Variants in EYA2 observed in about 807,000 individuals in gnomAD.
The protein encoded by EYA2 is EYA transcriptional coactivator and phosphatase 2, also known as protein phosphatase EYA2.
In EYA2, 31 loss-of-function variants were observed where a neutral mutation model predicts 69.2. That is an observed-to-expected ratio of 0.45 (90% CI 0.34 to 0.60). EYA2 has a LOEUF of 0.60. Ranked by LOEUF, EYA2 falls within the 20% of genes least tolerant of loss-of-function variation. The pLI is 0.02. For synonymous variants in EYA2, 257 were observed against 279.4 expected (o/e 0.92, Z 0.80); for missense variants, 622 against 701.2 (o/e 0.89, Z 1.28).
At chr20:46,973,237 C>A (rs917840142) in intron 1 of EYA2, among the ~76,000 whole-genome samples, 7 of 152,166 alleles carry the variant, frequency 4.6e-5, no homozygotes, top group African/African-American at 9.7e-5. Flanking sequence ...AATGCATTAA[C>A]AACACCGTGA....
chr20:47,156,227 G>A (rs1270912356), intron 10 of EYA2, among the ~76,000 whole-genome samples: 1 of 136,804 alleles, frequency 7.3e-6, no homozygotes, highest in African/African-American at 2.6e-5. Flanking sequence ...CCAGCTACTC[G>A]GGAGGCTAAG....
chr20:46,902,660 T>C (rs1984169850), intron 1 of EYA2, among the ~76,000 whole-genome samples: 1 of 152,246 alleles, frequency 6.6e-6, no homozygotes, highest in Admixed American at 6.5e-5. Context: ...TATTTATCGA[T>C]GGTTAGGTAC....
At chr20:47,118,355 G>A (rs1280843464) in intron 9 of EYA2, among the ~76,000 whole-genome samples, 1 of 152,120 alleles carries the variant, frequency 6.6e-6, no homozygotes, top group South Asian at 2.1e-4. Context: ...GCACGGCTGG[G>A]AGAAGGAGAG....
At chr20:46,996,881 G>T (rs1430578258) in intron 2 of EYA2, among the ~76,000 whole-genome samples, 1 of 151,670 alleles carries the variant, frequency 6.6e-6, no homozygotes, top group African/African-American at 2.4e-5. Context: ...GGTGGCAAGT[G>T]CGAAACTCGG....
chr20:46,953,149 A>ATG (rs531079873), intron 1 of EYA2, among the ~76,000 whole-genome samples: 181 of 152,338 alleles, frequency 1.2e-3, no homozygotes, highest in Non-Finnish European at 2.3e-3. Context: ...ATCATAGCAA[A>ATG]TGTTCCTATA....
chr20:47,014,093 C>T (rs1983253460), intron 4 of EYA2, among the ~76,000 whole-genome samples: 1 of 152,174 alleles, frequency 6.6e-6, no homozygotes, highest in South Asian at 2.1e-4. Context: ...TCTTTAATTA[C>T]TTCATTCAGA....
chr20:46,986,577 T>G (rs1180908780), intron 1 of EYA2, among the ~76,000 whole-genome samples: 2 of 151,990 alleles, frequency 1.3e-5, no homozygotes, highest in Admixed American at 1.3e-4. Context: ...CTGAGTAATT[T>G]ATTTCAAAAA....
At chr20:47,187,673 A>AT (rs1408529190) in intron 15 of EYA2, among the ~76,000 whole-genome samples, 1 of 152,222 alleles carries the variant, frequency 6.6e-6, no homozygotes, top group Non-Finnish European at 1.5e-5. Flanking sequence ...AAGTGCTGGG[A>AT]TTACAAACGT....
chr20:46,989,870 T>A, intron 1 of EYA2, 131 bp from the exon 2 acceptor site: 1 of 489,994 alleles, frequency 2.0e-6, no homozygotes, highest in South Asian at 3.6e-5. Flanking sequence ...ATTTTTATCA[T>A]GTAGAATTTA....
intron 1 of EYA2, among the ~76,000 whole-genome samples, chr20:46,942,017 A>G (rs1278897780): frequency 2.6e-5 from 4 of 152,024 alleles, no homozygotes; most frequent in African/African-American, 9.7e-5. Context: ...TCAGCCTCCC[A>G]AAGTGTTGAG....
chr20:47,145,849 T>C (rs1600742262), intron 10 of EYA2, among the ~76,000 whole-genome samples: 1 of 151,146 alleles, frequency 6.6e-6, no homozygotes, highest in Non-Finnish European at 1.5e-5. Flanking sequence ...TGCAGTGAGC[T>C]GAGATCAAGC....
At chr20:47,119,815 C>A (rs1037827672) in intron 9 of EYA2, among the ~76,000 whole-genome samples, 1 of 152,170 alleles carries the variant, frequency 6.6e-6, no homozygotes, top group African/African-American at 2.4e-5. Flanking sequence ...ACCTGTAATC[C>A]CAGCATTTCA....
intron 1 of EYA2, among the ~76,000 whole-genome samples, chr20:46,947,168 CT>C (rs375524511): frequency 6.6e-6 from 1 of 151,948 alleles, no homozygotes; most frequent in Non-Finnish European, 1.5e-5. Context: ...GAGAAGCAGA[CT>C]TTTTTTTGCA....
intron 8 of EYA2, among the ~76,000 whole-genome samples, chr20:47,093,825 C>T (rs984895533): frequency 1.2e-4 from 18 of 152,204 alleles, no homozygotes; most frequent in Non-Finnish European, 1.5e-4. Flanking sequence ...AGGTATGCAC[C>T]TGCACGCCAA....
At chr20:46,954,579 T>C (rs1311994809) in intron 1 of EYA2, among the ~76,000 whole-genome samples, 3 of 152,152 alleles carry the variant, frequency 2.0e-5, no homozygotes, top group Admixed American at 1.3e-4. Context: ...TTATGCCACC[T>C]CTCTCCACAA....
intron 10 of EYA2, among the ~76,000 whole-genome samples, chr20:47,163,473 G>A (rs371989713): frequency 1.6e-4 from 24 of 152,128 alleles, no homozygotes; most frequent in African/African-American, 5.5e-4. Flanking sequence ...CCGAGGCAGG[G>A]GGGTCATCTG....
chr20:47,024,452 T>G (rs181676625), intron 5 of EYA2, among the ~76,000 whole-genome samples: 3 of 152,230 alleles, frequency 2.0e-5, no homozygotes, highest in African/African-American at 4.8e-5. Context: ...AGCTTGTTGC[T>G]TCTGATCTTT....
Position 47,150,989 on chromosome 20 carries a change from C to T in EYA2, c.978+7841C>T, listed in dbSNP as rs111437782. On this transcript the variant is annotated intron_variant, in intron 10 of 15. Coordinates refer to ENST00000327619, the MANE Select transcript of EYA2 (RefSeq NM_005244.5). ...AAGTGAATTGGGTATTGAGGGTCAG[C>T]TGGCAGTCTCATCCTGACACCTTTC... Among the ~76,000 whole-genome samples, 336 of 152,166 alleles carry T rather than the reference C, an allele frequency of 2.2e-3. 2 individuals are homozygous for T. The highest frequency in any genetic ancestry group is 7.7e-3 in the African/African-American group (322 of 41,582).
chr20:46,962,691 G>T (rs550902149), intron 1 of EYA2, among the ~76,000 whole-genome samples: 1 of 152,272 alleles, frequency 6.6e-6, no homozygotes, highest in South Asian at 2.1e-4. Flanking sequence ...TTTCCTCTGG[G>T]CTCCTCATTG....
Sources: allele counts gnomAD v4.1 joint callset (sites outside exome capture counted in the v4.1 genomes callset), GRCh38; gene constraint gnomAD v4.1.1; transcripts MANE v1.5; gene names NCBI Gene and HGNC (gene_info 2026-07-23, HGNC 2026-07-21).